BRI3BP: variants seen among roughly 807,000 people sequenced by gnomAD.
BRI3BP encodes BRI3 binding protein, also known as BRI3-binding protein.
In BRI3BP, 7 loss-of-function variants were observed where a neutral mutation model predicts 15.8. The observed-to-expected ratio is 0.44, with a 90% CI of 0.25 to 0.83. The LOEUF is 0.83. BRI3BP is among the 40% of genes least tolerant of loss of function. BRI3BP has a pLI of 0.20. For missense variants in BRI3BP, 320 were observed against 339.3 expected, an observed-to-expected ratio of 0.94 and a Z score of 0.45; for synonymous variants, 192 against 163.5, an observed-to-expected ratio of 1.17 and a Z score of -1.33.
the BRI3BP span, among the ~76,000 whole-genome samples, chr12:125,036,661 C>T: frequency 1.3e-5 from 2 of 152,096 alleles, no homozygotes; most frequent in Admixed American, 6.6e-5. Context: ...GAGCTGGTCA[C>T]GGTGCTACAG....
intron 1 of BRI3BP, among the ~76,000 whole-genome samples, chr12:125,010,310 G>A (rs1448317127): frequency 6.6e-6 from 1 of 152,170 alleles, no homozygotes. Flanking sequence ...CACCCAGCTA[G>A]TAAGAGGCAG....
At chr12:125,047,209 C>T in the BRI3BP span, among the ~76,000 whole-genome samples, 16 of 151,040 alleles carry the variant, frequency 1.1e-4, no homozygotes, top group Admixed American at 4.0e-4. Context: ...ACTGCAGTGG[C>T]GCGATCTCGG....
intron 2 of BRI3BP, among the ~76,000 whole-genome samples, chr12:125,015,241 A>AT (rs951439081): frequency 6.6e-6 from 1 of 152,038 alleles, no homozygotes; most frequent in Non-Finnish European, 1.5e-5. Context: ...ATCGTCTTGG[A>AT]TTAGGGTGGA....
chr12:125,034,552 C>T (rs777882642), downstream of BRI3BP, among the ~76,000 whole-genome samples: 1 of 152,046 alleles, frequency 6.6e-6, no homozygotes, highest in African/African-American at 2.4e-5. Flanking sequence ...CCCCAGGCAA[C>T]CTTTGAGCTG....
At chr12:125,042,750 T>C in the BRI3BP span, among the ~76,000 whole-genome samples, 1 of 152,274 alleles carries the variant, frequency 6.6e-6, no homozygotes, top group African/African-American at 2.4e-5. Context: ...TTGGCCAGGC[T>C]GGTTTCAAAC....
chr12:124,996,156 C>T (rs1955038829), intron 1 of BRI3BP, among the ~76,000 whole-genome samples: 1 of 150,936 alleles, frequency 6.6e-6, no homozygotes, highest in African/African-American at 2.4e-5. Flanking sequence ...TCAAGTGATC[C>T]TCCCGCCTCG....
intron 1 of BRI3BP, among the ~76,000 whole-genome samples, chr12:124,997,467 C>T (rs1160750523): frequency 1.3e-5 from 2 of 151,580 alleles, no homozygotes; most frequent in East Asian, 3.9e-4. Flanking sequence ...CTGCCTGCCT[C>T]GGCCTCCCAA....
At position 125,012,522 on chromosome 12, in the gene BRI3BP, T is replaced by C; in HGVS notation, c.214-12T>C. On this transcript the variant is annotated splice_polypyrimidine_tract_variant and intron_variant, in intron 1 of 2. Coordinates refer to ENST00000341446, the MANE Select transcript of BRI3BP (RefSeq NM_080626.6). ...CAGTGATTGGGTGATGACCGTTTTC[T>C]TGTTTCTGCAGTTCTTGGCCAGGCT... 6.3e-7 allele frequency: 1 copy of C among 1,581,304 alleles called. No individual in the cohort carries two copies. The highest frequency in any genetic ancestry group is 8.7e-7 in the Non-Finnish European group (1 of 1,150,278).
At chr12:125,039,442 A>G in the BRI3BP span, among the ~76,000 whole-genome samples, 1 of 152,150 alleles carries the variant, frequency 6.6e-6, no homozygotes, top group Non-Finnish European at 1.5e-5. Context: ...CAAAGAGGCT[A>G]TGTTTGACTA....
intron 2 of BRI3BP, among the ~76,000 whole-genome samples, chr12:125,024,637 T>C (rs1475784624): frequency 2.6e-5 from 4 of 152,016 alleles, no homozygotes; most frequent in Non-Finnish European, 5.9e-5. Flanking sequence ...CCGTCTCTAC[T>C]AAAGATACAA....
At chr12:125,013,436 CACA>C (rs1421824176) in intron 2 of BRI3BP, among the ~76,000 whole-genome samples, 3 of 152,240 alleles carry the variant, frequency 2.0e-5, no homozygotes, top group East Asian at 3.8e-4. Context: ...CTGCTGCCGC[CACA>C]ACAACTAGAC....
rs57327862 is a variant in BRI3BP, at chr12:125,022,079, TA to T, written c.317-2890del. 7.7e-3 allele frequency among the ~76,000 whole-genome samples: 990 copies of T among 129,312 alleles called. 7 individuals carry two copies. The highest frequency in any genetic ancestry group is 0.012 in the Non-Finnish European group (726 of 59,150). The allele number at this position is 129,312 out of a possible 152,430, so 84.8% of individuals were successfully genotyped here. ...TGGGTGACAGAAAAAGACCCTGTCT[TA>T]AAAAAAAAAAAAAAAAAAAAAGACC... On this transcript the variant is annotated intron_variant, in intron 2 of 2. Coordinates refer to ENST00000341446, the MANE Select transcript of BRI3BP (RefSeq NM_080626.6).
At chr12:125,034,565 C>T (rs1955429109), downstream of BRI3BP, among the ~76,000 whole-genome samples, 1 of 152,024 alleles carries the variant, frequency 6.6e-6, no homozygotes, top group Non-Finnish European at 1.5e-5. Context: ...TTGAGCTGCT[C>T]TCTGTCACTA....
At chr12:125,021,994 C>T (rs868644855) in intron 2 of BRI3BP, among the ~76,000 whole-genome samples, 7 of 150,944 alleles carry the variant, frequency 4.6e-5, no homozygotes, top group Middle Eastern at 3.4e-3. Context: ...GTGGGAGGAT[C>T]GCTTGAGCCC....
chr12:125,024,258 A>ACCCC (rs67780786), intron 2 of BRI3BP, among the ~76,000 whole-genome samples: 1 of 134,944 alleles, frequency 7.4e-6, no homozygotes, highest in Non-Finnish European at 1.6e-5. Flanking sequence ...ATCTCATGAA[A>ACCCC]CCCCCCCCCC....
chr12:125,044,445 G>A, the BRI3BP span, among the ~76,000 whole-genome samples: 12 of 142,908 alleles, frequency 8.4e-5, no homozygotes, highest in African/African-American at 2.8e-4. Flanking sequence ...CACCATGCCC[G>A]GCCAATTTTT....
In BRI3BP at chr12:124,999,550, A is replaced by G. The variant is rs372434760; in HGVS notation, c.213+5547A>G. 9.9e-5 allele frequency among the ~76,000 whole-genome samples: 15 copies of G among 151,388 alleles called. No homozygotes were observed. The South Asian group carries it at 1.3e-3, about 13-fold the overall frequency. ...ATGATCCTCCTGCATCAGCCTCTCA[A>G]GTAGCTGGGATTACAGGTCTGCACC... is the stretch of plus-strand genomic sequence containing the variant. On this transcript the variant is annotated intron_variant, in intron 1 of 2. Transcript: ENST00000341446.
At chr12:125,048,941 C>T in the BRI3BP span, among the ~76,000 whole-genome samples, 94 of 152,052 alleles carry the variant, frequency 6.2e-4, 1 homozygote, top group South Asian at 0.013. Flanking sequence ...TGCAAGAGAG[C>T]CCAAATTTAT....
chr12:125,024,967 C>G (rs903387734), intron 2 of BRI3BP, 24 bp from the exon 3 acceptor site: 1 of 1,590,168 alleles, frequency 6.3e-7, no homozygotes, highest in South Asian at 1.1e-5. Context: ...GTAACGAGCC[C>G]TGTTCCTCTT....
Sources: gnomAD v4.1 joint callset for allele counts (sites outside exome capture counted in the v4.1 genomes callset) on GRCh38, gnomAD v4.1.1 for gene constraint, MANE v1.5 for transcripts, NCBI Gene and HGNC (gene_info 2026-07-23, HGNC 2026-07-21) for gene names.